Variants in CADM2 observed in about 807,000 individuals in gnomAD.
CADM2 encodes the protein cell adhesion molecule 2.
In CADM2, 12 loss-of-function variants were observed where a neutral mutation model predicts 49.8. That is an observed-to-expected ratio of 0.24 (90% CI 0.15 to 0.39). CADM2 has a LOEUF of 0.39. Ranked by LOEUF, CADM2 falls within the 10% of genes least tolerant of loss-of-function variation. The pLI is 1.00. For synonymous variants in CADM2, 214 were observed against 175.4 expected, an observed-to-expected ratio of 1.22 and a Z score of -1.74; for missense variants, 378 against 492.3, an observed-to-expected ratio of 0.77 and a Z score of 2.20.
chr3:85,408,673 C>T (rs183685324), intron 1 of CADM2, among the ~76,000 whole-genome samples: 2 of 152,240 alleles, frequency 1.3e-5, no homozygotes, highest in Admixed American at 6.5e-5. Flanking sequence ...GTCGGAGATG[C>T]TCTCTCTGCA....
intron 5 of CADM2, among the ~76,000 whole-genome samples, chr3:85,891,815 G>A (rs1315132556): frequency 6.6e-6 from 1 of 152,146 alleles, no homozygotes; most frequent in African/African-American, 2.4e-5. Flanking sequence ...AGCTTGAAGA[G>A]GACCCTAACT....
At chr3:85,864,433 T>A (rs1201101743) in intron 3 of CADM2, among the ~76,000 whole-genome samples, 1 of 152,230 alleles carries the variant, frequency 6.6e-6, no homozygotes, top group East Asian at 1.9e-4. Flanking sequence ...TCTTCAGTTT[T>A]GGGAAATTTA....
chr3:85,734,713 G>A (rs2166934), intron 2 of CADM2, among the ~76,000 whole-genome samples: 78,207 of 146,174 alleles, frequency 0.54, 21,773 homozygotes, highest in African/African-American at 0.71. Context: ...TAAATATAAT[G>A]TGTATATCTT....
intron 1 of CADM2, among the ~76,000 whole-genome samples, chr3:85,371,986 T>A (rs2107321684): frequency 6.6e-5 from 10 of 151,838 alleles, no homozygotes; most frequent in African/African-American, 2.2e-4. Context: ...TTTTGTTCTC[T>A]CTGTCTCCTC....
At position 85,991,044 on chromosome 3, in the gene CADM2, A is replaced by G. The variant is rs532226625; in HGVS notation, c.970+29397A>G. On this transcript the variant is annotated intron_variant, in intron 8 of 9. Transcript: ENST00000383699. ...ATCTATCACCAGAGATGGGAGATAA[A>G]CCCTGGTGGGAAAGATGCCAATCCC... Among the ~76,000 whole-genome samples, 135 of 152,308 alleles carry G rather than the reference A, an allele frequency of 8.9e-4. 3 individuals carry two copies. The highest frequency in any genetic ancestry group is 8.8e-3 in the Admixed American group (135 of 15,294).
chr3:85,813,802 TC>T (rs1393411538), intron 3 of CADM2, among the ~76,000 whole-genome samples: 1 of 152,198 alleles, frequency 6.6e-6, no homozygotes, highest in African/African-American at 2.4e-5. Context: ...TGGAATCGTT[TC>T]CCCATTGCTT....
chr3:85,042,788 T>A (rs2035494752), intron 1 of CADM2, among the ~76,000 whole-genome samples: 1 of 152,160 alleles, frequency 6.6e-6, no homozygotes, highest in Admixed American at 6.6e-5. Context: ...TAAAATGGTG[T>A]AGGGAGGAGG....
At chr3:85,259,398 T>C (rs978790406) in intron 1 of CADM2, among the ~76,000 whole-genome samples, 2 of 88,850 alleles carry the variant, frequency 2.3e-5, no homozygotes, top group Non-Finnish European at 4.4e-5. Flanking sequence ...TCTTTAAGAA[T>C]TGTTTAATTT....
At chr3:85,434,425 A>G (rs2036832753) in intron 1 of CADM2, among the ~76,000 whole-genome samples, 1 of 151,946 alleles carries the variant, frequency 6.6e-6, no homozygotes, top group Non-Finnish European at 1.5e-5. Flanking sequence ...ATAACAGTAT[A>G]TTCATTCATC....
intron 1 of CADM2, among the ~76,000 whole-genome samples, chr3:84,960,678 G>A (rs186470791): frequency 1.2e-4 from 19 of 152,266 alleles, no homozygotes; most frequent in Non-Finnish European, 1.9e-4. Context: ...CTGTTATTAT[G>A]CAAATCACTG....
chr3:85,069,186 G>GA (rs376264908), intron 1 of CADM2, among the ~76,000 whole-genome samples: 75 of 145,604 alleles, frequency 5.2e-4, no homozygotes, highest in Admixed American at 1.2e-3. Context: ...ATGGAAGAGA[G>GA]AAAAAAAAAA....
intron 1 of CADM2, among the ~76,000 whole-genome samples, chr3:85,684,799 A>G (rs1014741527): frequency 4.6e-5 from 7 of 152,164 alleles, no homozygotes; most frequent in African/African-American, 1.7e-4. Flanking sequence ...AACTGCCCCC[A>G]TGATTCAGTT....
chr3:85,187,012 C>A (rs146508561), intron 1 of CADM2, among the ~76,000 whole-genome samples: 99 of 152,180 alleles, frequency 6.5e-4, no homozygotes, highest in African/African-American at 2.2e-3. Context: ...TTACAGTGGA[C>A]AACAATTATA....
intron 8 of CADM2, among the ~76,000 whole-genome samples, chr3:86,039,961 C>T (rs1735657122): frequency 6.6e-6 from 1 of 152,122 alleles, no homozygotes; most frequent in Non-Finnish European, 1.5e-5. Flanking sequence ...CTGCTGATAC[C>T]CAGGCAAACA....
intron 1 of CADM2, among the ~76,000 whole-genome samples, chr3:85,655,601 A>T (rs1003799223): frequency 5.3e-5 from 8 of 152,162 alleles, no homozygotes; most frequent in African/African-American, 1.9e-4. Context: ...AAGTTCTCAC[A>T]TCACCACGTA....
intron 1 of CADM2, among the ~76,000 whole-genome samples, chr3:85,669,045 A>G (rs1247634773): frequency 6.6e-6 from 1 of 152,110 alleles, no homozygotes; most frequent in Admixed American, 6.6e-5. Flanking sequence ...TGGCTAACAT[A>G]TTCTCTGTCT....
chr3:85,117,260 TTC>T (rs2038672394), intron 1 of CADM2, among the ~76,000 whole-genome samples: 1 of 152,036 alleles, frequency 6.6e-6, no homozygotes, highest in South Asian at 2.1e-4. Context: ...GATTTTTTTT[TTC>T]TTCTAAATAT....
chr3:85,353,427 A>G (rs2031544959), intron 1 of CADM2, among the ~76,000 whole-genome samples: 1 of 152,032 alleles, frequency 6.6e-6, no homozygotes, highest in Admixed American at 6.6e-5. Context: ...TTTACACATA[A>G]ATGTGCCTGG....
intron 1 of CADM2, among the ~76,000 whole-genome samples, chr3:85,293,159 C>T (rs1224936323): frequency 6.6e-5 from 10 of 152,232 alleles, no homozygotes; most frequent in East Asian, 1.9e-4. Flanking sequence ...ACTACAAACA[C>T]CTCTACGCAA....
Sources: allele counts gnomAD v4.1 joint callset (sites outside exome capture counted in the v4.1 genomes callset), GRCh38; gene constraint gnomAD v4.1.1; transcripts MANE v1.5; gene names NCBI Gene and HGNC (gene_info 2026-07-23, HGNC 2026-07-21).